CEP112: variants seen among roughly 807,000 people sequenced by gnomAD.
CEP112 encodes the protein centrosomal protein 112.
Under a neutral mutation model 153.0 loss-of-function variants are expected in CEP112, and 127 were observed. The observed-to-expected ratio is 0.83, with a 90% CI of 0.72 to 0.96. The LOEUF (loss-of-function observed/expected upper bound fraction) is 0.96, where lower values mean the gene tolerates loss of function less well. Among genes scored for constraint, CEP112 ranks in the 40% least tolerant of loss-of-function variants. The pLI, the probability that CEP112 is intolerant of heterozygous loss-of-function variation, is 0.00. For missense variants in CEP112, 1,089 were observed against 1,101.2 expected, an observed-to-expected ratio of 0.99 and a Z score of 0.16; for synonymous variants, 358 against 374.4, an observed-to-expected ratio of 0.96 and a Z score of 0.51.
intron 24 of CEP112, chr17:65,655,002 A>G: frequency 1.4e-6 from 1 of 697,454 alleles, no homozygotes; most frequent in Non-Finnish European, 2.6e-6. Context: ...ATAGAAGAAC[A>G]GGCCCTTATC....
chr17:66,191,139 G>A lies in CEP112; in HGVS notation c.-9+858C>T, dbSNP rs1301152612. 3.9e-5 allele frequency among the ~76,000 whole-genome samples: 6 copies of A among 152,110 alleles called. No homozygotes were observed. In the East Asian group the frequency reaches 1.2e-3, roughly 29 times the overall value. On this transcript the variant is annotated intron_variant, in intron 1 of 26. Transcript: ENST00000535342. The surrounding 1 kb of genome is among the most constrained non-coding windows in gnomAD (Gnocchi z 4.2). ...CCTACCATTTCCGCACCATTTCCAT[G>A]GTCATTTCACAGAGGAAGAAGGAAG...
chr17:65,735,777 T>C (rs571434111), intron 23 of CEP112, among the ~76,000 whole-genome samples: 4 of 152,296 alleles, frequency 2.6e-5, no homozygotes, highest in African/African-American at 9.6e-5. Context: ...AGTATCAATA[T>C]AGTAAAAATG....
At chr17:66,006,475 G>A (rs974644012) in intron 16 of CEP112, among the ~76,000 whole-genome samples, 3 of 151,912 alleles carry the variant, frequency 2.0e-5, no homozygotes, top group African/African-American at 4.8e-5. Context: ...GCATGGTAGC[G>A]CACGCCTGTA....
chr17:66,154,439 C>A (rs902225647), intron 4 of CEP112, among the ~76,000 whole-genome samples: 1 of 147,864 alleles, frequency 6.8e-6, no homozygotes, highest in Non-Finnish European at 1.5e-5. Flanking sequence ...CACTTAAGCC[C>A]GGGAGGCAGA....
At chr17:65,902,674 C>T (rs939669836) in intron 19 of CEP112, among the ~76,000 whole-genome samples, 1 of 151,976 alleles carries the variant, frequency 6.6e-6, no homozygotes, top group African/African-American at 2.4e-5. Flanking sequence ...GTACGCTTTG[C>T]TTTTTGCTTA....
intron 6 of CEP112, among the ~76,000 whole-genome samples, chr17:66,115,496 G>C (rs1225158865): frequency 6.6e-6 from 1 of 152,148 alleles, no homozygotes; most frequent in African/African-American, 2.4e-5. Flanking sequence ...AGTTCTTTCG[G>C]ATAAACATAG....
At chr17:66,149,891 T>TTG (rs1555812101) in intron 4 of CEP112, among the ~76,000 whole-genome samples, 4 of 97,988 alleles carry the variant, frequency 4.1e-5, no homozygotes, top group Non-Finnish European at 2.1e-5. Flanking sequence ...TTTGTTTGTT[T>TTG]TTTTTTTTTT....
At chr17:65,962,227 T>C (rs984037274) in intron 17 of CEP112, among the ~76,000 whole-genome samples, 4 of 152,186 alleles carry the variant, frequency 2.6e-5, no homozygotes, top group Non-Finnish European at 5.9e-5. Context: ...CACCAAACTA[T>C]ACACTTCAAA....
chr17:66,114,211 GC>G (rs2069182377), intron 6 of CEP112, among the ~76,000 whole-genome samples: 1 of 152,188 alleles, frequency 6.6e-6, no homozygotes, highest in South Asian at 2.1e-4. Flanking sequence ...AATAACTTAG[GC>G]TAGACATGAA....
chr17:66,132,584 G>C lies in CEP112; in HGVS notation c.564+86C>G. 2.0e-5 allele frequency: 18 copies of C among 891,416 alleles called. No individual in the cohort carries two copies. The South Asian group carries it at 2.6e-4, about 13-fold the overall frequency. The allele number at this position is 891,416 out of a possible 1,614,324, so 55.2% of individuals were successfully genotyped here. A position where few individuals can be genotyped will look rare whatever the true frequency, so the allele number is the denominator to read the frequency against. Reference sequence around the variant, plus strand: ...TTTATTCTGTTTTGAAGCAATCATTGGTACTTCAACAAATGAAATTAAAAC... The same window carrying C: ...TTTATTCTGTTTTGAAGCAATCATTCGTACTTCAACAAATGAAATTAAAAC... On this transcript the variant is annotated intron_variant, in intron 5 of 26. Coordinates refer to ENST00000535342, the MANE Select transcript of CEP112 (RefSeq NM_001199165.4).
chr17:65,667,601 A>T (rs1167969388), intron 24 of CEP112, among the ~76,000 whole-genome samples: 6 of 151,832 alleles, frequency 4.0e-5, no homozygotes, highest in Non-Finnish European at 1.5e-5. Flanking sequence ...TATCGAGAGG[A>T]ATCTCTCATA....
intron 24 of CEP112, among the ~76,000 whole-genome samples, chr17:65,647,494 G>C (rs2045505800): frequency 8.4e-6 from 1 of 119,100 alleles, no homozygotes. Context: ...TTTTTTTCAA[G>C]AGACAGGGTC....
At chr17:66,161,257 T>C (rs547040049) in intron 4 of CEP112, among the ~76,000 whole-genome samples, 142 of 152,284 alleles carry the variant, frequency 9.3e-4, no homozygotes, top group Non-Finnish European at 1.6e-3. Flanking sequence ...AGTTCAACCA[T>C]TGCAGAAGAC....
chr17:65,736,022 C>T (rs1205199448), intron 23 of CEP112, among the ~76,000 whole-genome samples: 2 of 152,092 alleles, frequency 1.3e-5, no homozygotes, highest in Admixed American at 1.3e-4. Flanking sequence ...GAAAAGTTAC[C>T]TTATCAGTAG....
At chr17:65,765,442 A>C (rs2052903095) in intron 21 of CEP112, among the ~76,000 whole-genome samples, 1 of 151,976 alleles carries the variant, frequency 6.6e-6, no homozygotes, top group Non-Finnish European at 1.5e-5. Context: ...CACAATGGTC[A>C]CTTTTCTCCT....
chr17:65,696,540 C>T (rs1302282090), intron 23 of CEP112, among the ~76,000 whole-genome samples: 3 of 152,134 alleles, frequency 2.0e-5, no homozygotes, highest in Non-Finnish European at 4.4e-5. Flanking sequence ...GCCTTGGGTA[C>T]AGTCTGTGGC....
At chr17:65,740,533 T>C (rs1251389014) in intron 23 of CEP112, among the ~76,000 whole-genome samples, 1 of 152,166 alleles carries the variant, frequency 6.6e-6, no homozygotes, top group African/African-American at 2.4e-5. Flanking sequence ...ATACCTCAAA[T>C]TTTCTCTAGA....
intron 15 of CEP112, among the ~76,000 whole-genome samples, chr17:66,027,864 T>A (rs1012520774): frequency 6.6e-6 from 1 of 152,034 alleles, no homozygotes; most frequent in African/African-American, 2.4e-5. Context: ...ATGGAAATGA[T>A]AAATTTGAAG....
intron 4 of CEP112, among the ~76,000 whole-genome samples, chr17:66,171,620 ATC>A (rs1397742200): frequency 6.6e-6 from 1 of 152,208 alleles, no homozygotes; most frequent in Non-Finnish European, 1.5e-5. Flanking sequence ...ACCAAATGTG[ATC>A]TGATGTCACA....
Sources: allele counts gnomAD v4.1 joint callset (sites outside exome capture counted in the v4.1 genomes callset), GRCh38; gene constraint gnomAD v4.1.1; non-coding constraint Gnocchi (gnomAD v3.1); transcripts MANE v1.5; gene names NCBI Gene and HGNC (gene_info 2026-07-23, HGNC 2026-07-21).